The following HSF2BP variants were observed in gnomAD, a reference collection of about 807,000 sequenced individuals.
HSF2BP encodes heat shock factor 2-binding protein.
A neutral mutation model predicts 35.0 loss-of-function variants in HSF2BP; 35 were observed. The ratio of observed to expected loss-of-function variants is 1.00; its 90% CI spans 0.76 to 1.32. The LOEUF is 1.32. Ranked by LOEUF, HSF2BP falls within the 40% of genes most tolerant of loss-of-function variation. The probability of loss-of-function intolerance (pLI) is 0.00; values close to 1 mark genes in which losing one functional copy is unlikely to be tolerated. For synonymous variants in HSF2BP, 114 were observed against 117.4 expected (o/e 0.97, Z 0.18); for missense variants, 326 against 321.7 (o/e 1.01, Z -0.10).
chr21:43,633,488 CCT>C lies in HSF2BP; in HGVS notation c.292-69_292-68del, dbSNP rs1048083901. ...ACCTTGATATATCTTTATTACATTT[CCT>C]CTTTCACAAAGATATTTATTAAAGA... On this transcript the variant is annotated intron_variant, in intron 4 of 8. Transcript: ENST00000291560. 71 of 1,264,776 alleles carry C rather than the reference CCT, an allele frequency of 5.6e-5. 2 individuals carry two copies. The African/African-American group carries it at 8.9e-4, about 16-fold the overall frequency. The allele number at this position is 1,264,776 out of a possible 1,614,324, so 78.3% of individuals were successfully genotyped here.
At chr21:43,587,967 T>G (rs1305705492) in intron 8 of HSF2BP, among the ~76,000 whole-genome samples, 1 of 152,194 alleles carries the variant, frequency 6.6e-6, no homozygotes, top group Non-Finnish European at 1.5e-5. Context: ...CCTCTTTTTA[T>G]GAGAAAGTAG....
At chr21:43,657,960 C>T (rs1031877503) in intron 2 of HSF2BP, 101 bp downstream of exon 2, 221 of 1,520,864 alleles carry the variant, frequency 1.5e-4, no homozygotes, top group Non-Finnish European at 1.9e-4. Flanking sequence ...CCCCCAAGCA[C>T]GCGACAGCGA....
At chr21:43,632,149 ACTCACACAGT>A in intron 5 of HSF2BP, among the ~76,000 whole-genome samples, 1 of 59,156 alleles carries the variant, frequency 1.7e-5, no homozygotes, top group Non-Finnish European at 3.0e-5. Flanking sequence ...CCACACACAC[ACTCACACAGT>A]CTCACACACA....
intron 4 of HSF2BP, among the ~76,000 whole-genome samples, chr21:43,636,171 A>T (rs2082551065): frequency 6.7e-6 from 1 of 149,558 alleles, no homozygotes; most frequent in Admixed American, 6.7e-5. Context: ...CCTAGGTGAC[A>T]GAGCAAGACA....
chr21:43,585,089 T>C (rs2081831413), intron 8 of HSF2BP, among the ~76,000 whole-genome samples: 1 of 152,008 alleles, frequency 6.6e-6, no homozygotes, highest in Admixed American at 6.5e-5. Context: ...GGAAGATCAC[T>C]TGAGACCAGG....
rs574480760 is a variant in HSF2BP, at chr21:43,658,352, G to A, written c.-224-32C>T. ...AGCAGAAGGAAAGTCAGCCCCTGATGTAAGTGTCAAGTAAAATAAATCGGA... is the reference window on the plus strand; with the variant it reads ...AGCAGAAGGAAAGTCAGCCCCTGATATAAGTGTCAAGTAAAATAAATCGGA... On this transcript the variant is annotated intron_variant, in intron 1 of 8. Transcript: ENST00000291560. 5.7e-5 allele frequency: 30 copies of A among 526,154 alleles called. No homozygotes were observed. The East Asian group carries it at 9.3e-4, about 16-fold the overall frequency. 32.6% of individuals were successfully genotyped at this position (526,154 alleles called of 1,614,324 possible).
At chr21:43,585,972 TC>T (rs1040639959) in intron 8 of HSF2BP, among the ~76,000 whole-genome samples, 3 of 152,074 alleles carry the variant, frequency 2.0e-5, no homozygotes, top group African/African-American at 7.2e-5. Flanking sequence ...GGGACAGAGG[TC>T]TGGGCTGAAG....
chr21:43,624,005 G>A (rs1335379476), intron 6 of HSF2BP, among the ~76,000 whole-genome samples: 2 of 152,046 alleles, frequency 1.3e-5, no homozygotes, highest in East Asian at 1.9e-4. Context: ...AGAAAAAGAT[G>A]GGCTGTTCTG....
intron 8 of HSF2BP, among the ~76,000 whole-genome samples, chr21:43,590,082 G>T: frequency 6.6e-6 from 1 of 152,140 alleles, no homozygotes. Flanking sequence ...TTAAGAGAAT[G>T]AAAGATGAGC....
At chr21:43,505,456 G>A in the HSF2BP span, among the ~76,000 whole-genome samples, 4 of 99,396 alleles carry the variant, frequency 4.0e-5, 2 homozygotes, top group Admixed American at 1.9e-4. Context: ...CGTGCAGCAC[G>A]CCATGAAGTG....
chr21:43,616,886 A>C (rs2082277925), intron 6 of HSF2BP, among the ~76,000 whole-genome samples: 1 of 151,668 alleles, frequency 6.6e-6, no homozygotes, highest in Non-Finnish European at 1.5e-5. Flanking sequence ...AGCTGAGATC[A>C]CACCATTGCA....
At chr21:43,641,790 A>T (rs1200486239) in intron 4 of HSF2BP, among the ~76,000 whole-genome samples, 4 of 151,928 alleles carry the variant, frequency 2.6e-5, no homozygotes, top group Non-Finnish European at 5.9e-5. Flanking sequence ...TCTACTAAAA[A>T]TACAAAAATT....
At chr21:43,657,904 C>T (rs530048174) in intron 2 of HSF2BP, 157 bp downstream of exon 2, 4 of 985,356 alleles carry the variant, frequency 4.1e-6, no homozygotes, top group Admixed American at 1.2e-4. Flanking sequence ...GTCTCCACCC[C>T]GCTCCGGCCC....
the HSF2BP span, among the ~76,000 whole-genome samples, chr21:43,459,453 G>A: frequency 2.1e-5 from 2 of 93,406 alleles, 1 homozygote; most frequent in Non-Finnish European, 4.4e-5. Context: ...GTCCCCTTCC[G>A]GTCTTTAGCA....
At chr21:43,611,312 G>C (rs1401603035) in intron 7 of HSF2BP, among the ~76,000 whole-genome samples, 1 of 152,118 alleles carries the variant, frequency 6.6e-6, no homozygotes, top group Non-Finnish European at 1.5e-5. Flanking sequence ...ATAGATATTT[G>C]TTAGCACAAA....
At chr21:43,577,519 T>C (rs1454122573) in intron 8 of HSF2BP, among the ~76,000 whole-genome samples, 1 of 152,220 alleles carries the variant, frequency 6.6e-6, no homozygotes, top group African/African-American at 2.4e-5. Flanking sequence ...TTTCTCTGCC[T>C]GCCCCAACAG....
intron 8 of HSF2BP, among the ~76,000 whole-genome samples, chr21:43,578,908 T>C (rs1357083148): frequency 6.6e-6 from 1 of 152,002 alleles, no homozygotes; most frequent in Non-Finnish European, 1.5e-5. Context: ...AGACTAGTTG[T>C]GTACCTTCCA....
intron 6 of HSF2BP, among the ~76,000 whole-genome samples, chr21:43,618,677 C>T (rs945418689): frequency 1.3e-5 from 2 of 152,022 alleles, no homozygotes; most frequent in Non-Finnish European, 2.9e-5. Context: ...TGGCTCACGC[C>T]TGTAATCCCA....
At chr21:43,628,661 A>C (rs1329031438) in intron 6 of HSF2BP, among the ~76,000 whole-genome samples, 1 of 152,200 alleles carries the variant, frequency 6.6e-6, no homozygotes, top group East Asian at 1.9e-4. Flanking sequence ...TAAACAAGAG[A>C]TTTTCAATGT....
Sources: allele counts gnomAD v4.1 joint callset (sites outside exome capture counted in the v4.1 genomes callset), GRCh38; gene constraint gnomAD v4.1.1; transcripts MANE v1.5; gene names NCBI Gene and HGNC (gene_info 2026-07-23, HGNC 2026-07-21).